WWOX: variants seen among roughly 807,000 people sequenced by gnomAD.
WWOX encodes WW domain containing oxidoreductase, also known as WW domain-containing oxidoreductase.
Under a neutral mutation model 46.2 loss-of-function variants are expected in WWOX, and 69 were observed. The observed-to-expected ratio is 1.49, with a 90% CI of 1.23 to 1.82. The LOEUF (loss-of-function observed/expected upper bound fraction) is 1.82, where lower values mean the gene tolerates loss of function less well. Ranked by LOEUF, WWOX falls within the 40% of genes most tolerant of loss-of-function variation. The pLI is 0.00. For missense variants in WWOX, 919 were observed against 542.6 expected (o/e 1.69, Z -6.89); for synonymous variants, 359 against 202.6 (o/e 1.77, Z -6.56).
At chr16:78,854,199 TCTAA>T (rs1301343305) in intron 8 of WWOX, among the ~76,000 whole-genome samples, 3 of 152,242 alleles carry the variant, frequency 2.0e-5, no homozygotes, top group South Asian at 4.1e-4. Context: ...TTCTTTCTAC[TCTAA>T]CTACTCAGGT....
At chr16:78,358,543 A>G (rs888369910) in intron 5 of WWOX, among the ~76,000 whole-genome samples, 1 of 152,158 alleles carries the variant, frequency 6.6e-6, no homozygotes, top group Non-Finnish European at 1.5e-5. Context: ...CTGTAATCCC[A>G]GCTACTCAGG....
intron 8 of WWOX, among the ~76,000 whole-genome samples, chr16:78,975,907 AC>A (rs1490491180): frequency 6.6e-6 from 1 of 151,708 alleles, no homozygotes; most frequent in African/African-American, 2.4e-5. Flanking sequence ...GCCACATGTC[AC>A]CCCCTCTTCC....
chr16:78,858,828 G>A (rs1476249468), intron 8 of WWOX, among the ~76,000 whole-genome samples: 7 of 151,060 alleles, frequency 4.6e-5, no homozygotes, highest in South Asian at 4.2e-4. Context: ...ACTGGCATGT[G>A]TCACCACATC....
chr16:78,877,899 G>C (rs971623284), intron 8 of WWOX, among the ~76,000 whole-genome samples: 1 of 152,128 alleles, frequency 6.6e-6, no homozygotes, highest in African/African-American at 2.4e-5. Context: ...AATGACTTCA[G>C]CGCCCACAGA....
At chr16:78,563,045 C>A (rs914081955) in intron 8 of WWOX, among the ~76,000 whole-genome samples, 1 of 151,902 alleles carries the variant, frequency 6.6e-6, no homozygotes, top group East Asian at 1.9e-4. Context: ...ATGCTCTGCA[C>A]TTCAAGCTAA....
rs143414386 is a variant in WWOX, at chr16:78,544,858, G to C, written c.1056+112106G>C. On this transcript the variant is annotated intron_variant, in intron 8 of 8. Coordinates refer to ENST00000566780, the MANE Select transcript of WWOX (RefSeq NM_016373.4). ...CCACTGCACTCTAGCATGCGTGACA[G>C]AGTGAGACTATCTCAAAAAAGAAAA... is the stretch of plus-strand genomic sequence containing the variant. Among the ~76,000 whole-genome samples the C allele has an allele frequency of 5.4e-3, 824 of 152,132 alleles. 10 individuals carry two copies. Among genetic ancestry groups the C allele is most frequent in the African/African-American group, 0.019 (787 of 41,524 alleles).
intron 8 of WWOX, among the ~76,000 whole-genome samples, chr16:78,454,743 C>T (rs2083776469): frequency 6.6e-6 from 1 of 152,212 alleles, no homozygotes; most frequent in Non-Finnish European, 1.5e-5. Context: ...GTGATCCATC[C>T]TCCTCAGCCT....
At position 78,706,347 on chromosome 16, in the gene WWOX, C is replaced by G. The variant is rs571608619; in HGVS notation, c.1056+273595C>G. Among the ~76,000 whole-genome samples, 3 of 152,186 alleles carry G rather than the reference C, an allele frequency of 2.0e-5. No individual in the cohort carries two copies. In the South Asian group the frequency reaches 6.2e-4, roughly 32 times the overall value. Reference sequence around the variant, plus strand: ...CCAGAGCCAGGCTAAAGCACCCTTGCCATCTTCTCTCTCTGCTGTTAAATT... The same window carrying G: ...CCAGAGCCAGGCTAAAGCACCCTTGGCATCTTCTCTCTCTGCTGTTAAATT... On this transcript the variant is annotated intron_variant, in intron 8 of 8. Transcript: ENST00000566780.
intron 8 of WWOX, among the ~76,000 whole-genome samples, chr16:78,874,243 G>A (rs1423834893): frequency 1.2e-4 from 17 of 145,104 alleles, no homozygotes; most frequent in Admixed American, 9.8e-4. Flanking sequence ...GCGACAGAGC[G>A]AGACTCTGTC....
At chr16:78,100,014 G>C (rs1324075177) in intron 1 of WWOX, 129 bp downstream of exon 1, 27 of 1,476,106 alleles carry the variant, frequency 1.8e-5, no homozygotes, top group Non-Finnish European at 2.4e-5. Flanking sequence ...CTGTTAAGGA[G>C]CTTCAGGGAA....
At chr16:79,134,333 G>C (rs1282476771) in intron 8 of WWOX, among the ~76,000 whole-genome samples, 1 of 152,130 alleles carries the variant, frequency 6.6e-6, no homozygotes, top group Non-Finnish European at 1.5e-5. Context: ...AAGAAAGGTG[G>C]ATTTATTGGA....
chr16:78,234,623 A>G (rs2037377951), intron 5 of WWOX, among the ~76,000 whole-genome samples: 1 of 152,234 alleles, frequency 6.6e-6, no homozygotes, highest in Non-Finnish European at 1.5e-5. Flanking sequence ...TTGAAGAGCT[A>G]AGAACCCATC....
chr16:79,006,825 T>C (rs1202257753), intron 8 of WWOX, among the ~76,000 whole-genome samples: 1 of 152,108 alleles, frequency 6.6e-6, no homozygotes, highest in Non-Finnish European at 1.5e-5. Flanking sequence ...GCTGAGTCTT[T>C]CTCATGCTGG....
At chr16:79,091,888 C>A (rs1177777640) in intron 8 of WWOX, among the ~76,000 whole-genome samples, 2 of 139,798 alleles carry the variant, frequency 1.4e-5, no homozygotes. Context: ...TCAAGTGATT[C>A]TCCTGCCTCA....
At chr16:79,062,804 C>G (rs2048378564) in intron 8 of WWOX, among the ~76,000 whole-genome samples, 1 of 152,096 alleles carries the variant, frequency 6.6e-6, no homozygotes, top group Non-Finnish European at 1.5e-5. Flanking sequence ...TTCTAACAGC[C>G]CCTTGAACAG....
At chr16:78,250,637 A>G (rs1032523633) in intron 5 of WWOX, among the ~76,000 whole-genome samples, 31 of 152,256 alleles carry the variant, frequency 2.0e-4, no homozygotes, top group Middle Eastern at 3.4e-3. Flanking sequence ...ACAGATAGAC[A>G]TGGGGTTTTA....
intron 8 of WWOX, among the ~76,000 whole-genome samples, chr16:78,662,455 T>G (rs1374409305): frequency 2.0e-5 from 3 of 152,078 alleles, no homozygotes; most frequent in African/African-American, 7.2e-5. Flanking sequence ...TGGAAATTAT[T>G]ACTCAGTTCA....
At chr16:78,503,173 C>A (rs2085111920) in intron 8 of WWOX, among the ~76,000 whole-genome samples, 1 of 152,118 alleles carries the variant, frequency 6.6e-6, no homozygotes, top group Non-Finnish European at 1.5e-5. Flanking sequence ...TTATGTCTGA[C>A]CCCAGGAAAT....
chr16:78,262,685 G>A (rs72790044), intron 5 of WWOX, among the ~76,000 whole-genome samples: 2,617 of 152,246 alleles, frequency 0.017, 34 homozygotes, highest in Non-Finnish European at 0.027. Flanking sequence ...CTCAGGAGGA[G>A]GGGATATTTA....
Sources: allele counts gnomAD v4.1 joint callset (sites outside exome capture counted in the v4.1 genomes callset), GRCh38; gene constraint gnomAD v4.1.1; transcripts MANE v1.5; gene names NCBI Gene and HGNC (gene_info 2026-07-23, HGNC 2026-07-21).